The following FRAS1 variants were observed in gnomAD, a reference collection of about 807,000 sequenced individuals.
FRAS1 encodes Fraser extracellular matrix complex subunit 1.
FRAS1 carries 290 observed loss-of-function variants against 435.2 expected under a neutral mutation model. That is an observed-to-expected ratio of 0.67 (90% CI 0.61 to 0.73). The LOEUF is 0.73. FRAS1 is among the 30% of genes least tolerant of loss of function. FRAS1 has a pLI of 0.00. For missense variants in FRAS1, 4,860 were observed against 5,001.5 expected (o/e 0.97, Z 0.85); for synonymous variants, 1,800 against 1,851.0 (o/e 0.97, Z 0.71).
chr4:78,178,585 A>C (rs1721871765), intron 2 of FRAS1, among the ~76,000 whole-genome samples: 1 of 152,248 alleles, frequency 6.6e-6, no homozygotes, highest in Admixed American at 6.5e-5. Flanking sequence ...ATGTCTGAGC[A>C]GCTGAGATCT....
chr4:78,482,593 C>T (rs924149), intron 58 of FRAS1, 58 bp downstream of exon 58: 7 of 1,549,498 alleles, frequency 4.5e-6, no homozygotes, highest in South Asian at 1.2e-5. Flanking sequence ...TTTTCTTTAA[C>T]GTCCACATAT....
At chr4:78,493,188 A>G (rs141480446) in intron 59 of FRAS1, among the ~76,000 whole-genome samples, 23,426 of 152,208 alleles carry the variant, frequency 0.15, 1,895 homozygotes, top group Middle Eastern at 0.23. Flanking sequence ...AAATAGGAAC[A>G]CTTTTACACT....
chr4:78,193,202 C>T (rs1438025976), intron 2 of FRAS1, among the ~76,000 whole-genome samples: 1 of 152,026 alleles, frequency 6.6e-6, no homozygotes, highest in Non-Finnish European at 1.5e-5. Context: ...AGTATGTGGT[C>T]AATTTTGGAA....
At chr4:78,244,374 A>G (rs977298896) in intron 3 of FRAS1, among the ~76,000 whole-genome samples, 1 of 152,162 alleles carries the variant, frequency 6.6e-6, no homozygotes, top group Non-Finnish European at 1.5e-5. Flanking sequence ...AGGATCTCCT[A>G]CCATTTTTGG....
At chr4:78,182,008 G>A (rs1446728932) in intron 2 of FRAS1, 14 of 1,553,502 alleles carry the variant, frequency 9.0e-6, no homozygotes, top group African/African-American at 1.4e-5. Context: ...ATCGGTTGGT[G>A]ACCACACAGC....
At chr4:78,084,363 G>A (rs755781760) in intron 2 of FRAS1, among the ~76,000 whole-genome samples, 2 of 152,036 alleles carry the variant, frequency 1.3e-5, no homozygotes, top group Admixed American at 1.3e-4. Flanking sequence ...ACTATCTGCT[G>A]TTACTATTGA....
intron 35 of FRAS1, among the ~76,000 whole-genome samples, chr4:78,425,070 C>T (rs989827252): frequency 6.6e-6 from 1 of 151,300 alleles, no homozygotes; most frequent in African/African-American, 2.4e-5. Context: ...TCTTACATCT[C>T]TGTGCCTGAA....
At chr4:78,160,954 C>T (rs144877955) in intron 2 of FRAS1, among the ~76,000 whole-genome samples, 1,577 of 152,168 alleles carry the variant, frequency 0.01, 9 homozygotes, top group Non-Finnish European at 0.014. Context: ...GGGTGGCCAA[C>T]ATGGTGAAAC....
intron 2 of FRAS1, among the ~76,000 whole-genome samples, chr4:78,222,403 C>G (rs962786564): frequency 2.0e-5 from 3 of 152,194 alleles, no homozygotes; most frequent in Non-Finnish European, 4.4e-5. Flanking sequence ...CTTCTATTTC[C>G]GTAACAGCTC....
At chr4:78,184,108 C>A (rs1166439654) in intron 2 of FRAS1, among the ~76,000 whole-genome samples, 2 of 152,202 alleles carry the variant, frequency 1.3e-5, no homozygotes, top group Non-Finnish European at 2.9e-5. Flanking sequence ...AGAAACACTG[C>A]TCTGGGTTGA....
chr4:78,481,446 A>G (rs953287229), intron 56 of FRAS1, among the ~76,000 whole-genome samples: 2 of 152,118 alleles, frequency 1.3e-5, no homozygotes, highest in Non-Finnish European at 2.9e-5. Flanking sequence ...TCTTCTCCCT[A>G]AATAGGCTTG....
chr4:78,363,722 G>A (rs1166846097), intron 21 of FRAS1, 57 bp downstream of exon 21: 2 of 1,533,328 alleles, frequency 1.3e-6, no homozygotes, highest in Non-Finnish European at 1.8e-6. Flanking sequence ...TCTTGGGGCA[G>A]TAGCTGGGAA....
intron 33 of FRAS1, among the ~76,000 whole-genome samples, chr4:78,421,288 C>T (rs187633961): frequency 1.6e-3 from 250 of 152,166 alleles, no homozygotes; most frequent in Non-Finnish European, 2.7e-3. Flanking sequence ...GCTGGGATTA[C>T]GGGTGCGTGC....
At chr4:78,199,763 A>G (rs1416127453) in intron 2 of FRAS1, among the ~76,000 whole-genome samples, 5 of 152,228 alleles carry the variant, frequency 3.3e-5, no homozygotes, top group African/African-American at 1.2e-4. Flanking sequence ...ATTAGGATCA[A>G]TGATGGGCCG....
chr4:78,081,802 C>T (rs986264998), intron 2 of FRAS1, among the ~76,000 whole-genome samples: 2 of 152,054 alleles, frequency 1.3e-5, no homozygotes, highest in African/African-American at 4.8e-5. Context: ...ACTCTTCTTA[C>T]CTAAGAAAGC....
At chr4:78,375,251 G>A (rs1731709386) in intron 25 of FRAS1, among the ~76,000 whole-genome samples, 1 of 152,150 alleles carries the variant, frequency 6.6e-6, no homozygotes, top group Admixed American at 6.5e-5. Context: ...TAGAAAAATT[G>A]AGCCCTTCCT....
At chr4:78,254,979 G>T (rs1242235600) in intron 5 of FRAS1, among the ~76,000 whole-genome samples, 1 of 152,182 alleles carries the variant, frequency 6.6e-6, no homozygotes, top group Non-Finnish European at 1.5e-5. Context: ...TTGGGATGGA[G>T]TGGAGGAGCT....
intron 3 of FRAS1, among the ~76,000 whole-genome samples, chr4:78,241,662 A>C (rs1248283262): frequency 6.6e-6 from 1 of 152,118 alleles, no homozygotes. Context: ...TGGGGGTTGA[A>C]AGACTGGAAG....
At chr4:78,435,903 G>A (rs991512672) in intron 38 of FRAS1, among the ~76,000 whole-genome samples, 2 of 152,064 alleles carry the variant, frequency 1.3e-5, no homozygotes, top group African/African-American at 2.4e-5. Flanking sequence ...ATCAAGTACT[G>A]AAAAACCATA....
Sources: allele counts gnomAD v4.1 joint callset (sites outside exome capture counted in the v4.1 genomes callset), GRCh38; gene constraint gnomAD v4.1.1; transcripts MANE v1.5; gene names NCBI Gene and HGNC (gene_info 2026-07-23, HGNC 2026-07-21).